Variants in LRRIQ4 observed in about 807,000 individuals in gnomAD.
LRRIQ4 encodes the protein leucine rich repeats and IQ motif containing 4.
Under a neutral mutation model 40.1 loss-of-function variants are expected in LRRIQ4, and 21 were observed. The observed-to-expected ratio is 0.52, with a 90% CI of 0.37 to 0.75. The LOEUF is 0.75. Ranked by LOEUF, LRRIQ4 falls within the 30% of genes least tolerant of loss-of-function variation. LRRIQ4 has a pLI of 0.00. For missense variants in LRRIQ4, 655 were observed against 660.0 expected (o/e 0.99, Z 0.08); for synonymous variants, 277 against 277.1 (o/e 1.00, Z 0.00).
chr3:169,819,285 G>T (rs1276624329), intron 1 of LRRIQ4, among the ~76,000 whole-genome samples: 60 of 152,134 alleles, frequency 3.9e-4, no homozygotes, highest in Non-Finnish European at 1.6e-4. Context: ...GTGAAATATG[G>T]GTGTATATAT....
intron 1 of LRRIQ4, among the ~76,000 whole-genome samples, chr3:169,815,182 G>T (rs1191674205): frequency 1.3e-5 from 2 of 152,124 alleles, no homozygotes; most frequent in East Asian, 1.9e-4. Flanking sequence ...AAGGTCTTTG[G>T]TATTTTGATA....
chr3:169,820,891 T>G (rs1779872862), intron 1 of LRRIQ4, among the ~76,000 whole-genome samples: 1 of 152,224 alleles, frequency 6.6e-6, no homozygotes. Flanking sequence ...CAAAGACTAA[T>G]GGGAAAAACT....
chr3:169,819,625 C>T (rs1383310687), intron 1 of LRRIQ4, among the ~76,000 whole-genome samples: 2 of 152,210 alleles, frequency 1.3e-5, no homozygotes, highest in Admixed American at 1.3e-4. Context: ...TCTGCTCTTA[C>T]TCCCACTTCC....
chr3:169,822,396 A>G lies in LRRIQ4; in HGVS notation c.475A>G (p.Lys159Glu), dbSNP rs16854411. The change falls in exon 2 of 6, where the codon AAG becomes GAG. Residue 159 changes from lysine to glutamate, a missense_variant. Transcript: ENST00000340806. The stretch of plus-strand genomic sequence containing the variant: ...CGGAAACCACCTGAAATGTCTGCCC[A>G]AGGAAATAGTGAACCAGACCAAGCT... ...LTGNHLKCLP[K>E]EIVNQTKLRE... is the part of the protein sequence containing the mutation. 21,834 of 1,612,676 alleles carry G rather than the reference A, an allele frequency of 0.014. 983 individuals carry two copies. The highest frequency in any genetic ancestry group is 0.11 in the South Asian group (9,778 of 90,806).
rs1387264155 is a variant in LRRIQ4 at position 169,822,874 on chromosome 3, G to A, written c.953G>A (p.Cys318Tyr). ...LDLSQNHLHH[C>Y]PLQICALKNL... is the part of the protein sequence containing the mutation. ...CTAAGCCAGAACCATCTGCACCACT[G>A]CCCGCTGCAGATCTGTGCACTGAAG... Residue 318 changes from cysteine (C) to tyrosine (Y), a missense_variant, in exon 2 of 6, where the codon TGC becomes TAC. Cys to Tyr is a radical substitution (Grantham distance 194). Coordinates refer to ENST00000340806, the MANE Select transcript of LRRIQ4 (RefSeq NM_001080460.3). 2.5e-6 allele frequency: 4 copies of A among 1,605,502 alleles called. No homozygotes were observed. The African/African-American group carries it at 5.4e-5, about 21-fold the overall frequency.
At chr3:169,831,003 A>G (rs1576769148) in intron 4 of LRRIQ4, among the ~76,000 whole-genome samples, 1 of 152,290 alleles carries the variant, frequency 6.6e-6, no homozygotes, top group South Asian at 2.1e-4. Flanking sequence ...TCACTTGAGT[A>G]AAAGAAAAAG....
At chr3:169,829,676 T>C (rs1453854139) in intron 3 of LRRIQ4, among the ~76,000 whole-genome samples, 2 of 152,140 alleles carry the variant, frequency 1.3e-5, no homozygotes, top group Non-Finnish European at 2.9e-5. Flanking sequence ...TAATTTTGTA[T>C]TTTTAGTAAA....
chr3:169,819,362 T>A (rs1027619245), intron 1 of LRRIQ4, among the ~76,000 whole-genome samples: 13 of 152,064 alleles, frequency 8.5e-5, no homozygotes, highest in Non-Finnish European at 1.3e-4. Context: ...ACACACACAA[T>A]CAGATATTCT....
intron 4 of LRRIQ4, among the ~76,000 whole-genome samples, chr3:169,830,991 A>G (rs908736031): frequency 6.6e-6 from 1 of 152,210 alleles, no homozygotes; most frequent in South Asian, 2.1e-4. Flanking sequence ...TAGGTCACGG[A>G]GTCACTTGAG....
chr3:169,834,856 ATG>A (rs1289695770), intron 5 of LRRIQ4, among the ~76,000 whole-genome samples: 6 of 151,980 alleles, frequency 3.9e-5, no homozygotes, highest in African/African-American at 1.2e-4. Flanking sequence ...AAATTTAAAA[ATG>A]TATATACATT....
Position 169,822,460 on chromosome 3 carries a change from T to C in LRRIQ4, c.539T>C (p.Phe180Ser). The change falls in exon 2 of 6, where the codon TTC (phenylalanine) becomes TCC (serine). Residue 180 changes from phenylalanine (F) to serine (S), a missense_variant. By Grantham distance (155) the Phe-to-Ser change is radical. Coordinates refer to ENST00000340806, the MANE Select transcript of LRRIQ4 (RefSeq NM_001080460.3). ...CTGAAGCGAAACCAGTTTGAAGTTTTCCCCCAGGAGCTCTGTGTTCTCTAC... is the reference window on the plus strand; with the variant it reads ...CTGAAGCGAAACCAGTTTGAAGTTTCCCCCCAGGAGCTCTGTGTTCTCTAC... ...IYLKRNQFEVFPQELCVLYTL... is the reference protein window; with the variant it reads ...IYLKRNQFEVSPQELCVLYTL... The C allele has an allele frequency of 6.2e-7, 1 of 1,613,882 alleles. No homozygotes were observed.
intron 5 of LRRIQ4, among the ~76,000 whole-genome samples, chr3:169,833,431 A>G: frequency 6.6e-6 from 1 of 152,244 alleles, no homozygotes; most frequent in Non-Finnish European, 1.5e-5. Context: ...AAAGGAAACC[A>G]AAACTTCAAC....
At chr3:169,814,786 T>G (rs1480484589) in intron 1 of LRRIQ4, among the ~76,000 whole-genome samples, 1 of 152,156 alleles carries the variant, frequency 6.6e-6, no homozygotes, top group African/African-American at 2.4e-5. Flanking sequence ...TGCCTGGCCC[T>G]TTAATCCATT....
Position 169,822,126 on chromosome 3 carries a change from C to G in LRRIQ4, c.205C>G (p.Arg69Gly), listed in dbSNP as rs377359542. 2.5e-6 allele frequency: 4 copies of G among 1,612,358 alleles called. No homozygotes were observed. The African/African-American group carries it at 5.3e-5, about 22-fold the overall frequency. ...TGAAGAAATTCCCCAGGAGATTCAG[C>G]GTTTAAAGAACATCAGGGTCCTCTA... ...QIEEIPQEIQ[R>G]LKNIRVLYLD... Residue 69 changes from arginine to glycine, a missense_variant, in exon 2 of 6, where the codon CGT becomes GGT. Physicochemically the swap from Arg to Gly is moderately radical, Grantham distance 125. Coordinates refer to ENST00000340806, the MANE Select transcript of LRRIQ4 (RefSeq NM_001080460.3).
intron 2 of LRRIQ4, among the ~76,000 whole-genome samples, chr3:169,827,830 A>G (rs1352149101): frequency 6.6e-6 from 1 of 152,202 alleles, no homozygotes; most frequent in Non-Finnish European, 1.5e-5. Flanking sequence ...CAAGCACTGT[A>G]TTAGAAGGTT....
At chr3:169,816,807 A>T (rs991561953) in intron 1 of LRRIQ4, among the ~76,000 whole-genome samples, 5 of 151,634 alleles carry the variant, frequency 3.3e-5, no homozygotes, top group Non-Finnish European at 5.9e-5. Flanking sequence ...AGTAGCTGGG[A>T]TTACAGGCAC....
At chr3:169,817,412 G>A (rs529466637) in intron 1 of LRRIQ4, among the ~76,000 whole-genome samples, 100 of 152,356 alleles carry the variant, frequency 6.6e-4, no homozygotes, top group African/African-American at 2.1e-3. Flanking sequence ...TTCTGCAGCT[G>A]TTGGATGAAA....
intron 2 of LRRIQ4, 127 bp downstream of exon 2, chr3:169,823,068 C>A (rs1286667766): frequency 5.6e-6 from 4 of 720,270 alleles, no homozygotes; most frequent in East Asian, 2.8e-5. Flanking sequence ...TACTAAATAT[C>A]CAACAAGGTG....
intron 4 of LRRIQ4, among the ~76,000 whole-genome samples, chr3:169,831,523 T>A (rs1209018389): frequency 1.5e-5 from 2 of 133,484 alleles, no homozygotes; most frequent in Non-Finnish European, 3.1e-5. Flanking sequence ...AGGATGGTCT[T>A]GATCTCCTGA....
Sources: gnomAD v4.1 joint callset for allele counts (sites outside exome capture counted in the v4.1 genomes callset) on GRCh38, gnomAD v4.1.1 for gene constraint, MANE v1.5 for transcripts, NCBI Gene and HGNC (gene_info 2026-07-23, HGNC 2026-07-21) for gene names.